The following PREPL variants were observed in gnomAD, a reference collection of about 807,000 sequenced individuals.
PREPL encodes the protein prolyl endopeptidase-like.
In PREPL, 77 loss-of-function variants were observed where a neutral mutation model predicts 70.6. The ratio of observed to expected loss-of-function variants is 1.09; its 90% CI spans 0.91 to 1.32. The LOEUF (loss-of-function observed/expected upper bound fraction) is 1.32, where lower values mean the gene tolerates loss of function less well. Among genes scored for constraint, PREPL ranks in the 40% most tolerant of loss-of-function variants. PREPL has a pLI of 0.00. For synonymous variants in PREPL, 315 were observed against 264.8 expected, an observed-to-expected ratio of 1.19 and a Z score of -1.84; for missense variants, 1,002 against 778.2, an observed-to-expected ratio of 1.29 and a Z score of -3.42.
chr2:44,330,499 T>C (rs1008196707), intron 8 of PREPL, among the ~76,000 whole-genome samples: 1 of 152,106 alleles, frequency 6.6e-6, no homozygotes, highest in African/African-American at 2.4e-5. Context: ...TGGGTAACAA[T>C]GATTATTTCT....
At position 44,338,433 on chromosome 2, in the gene PREPL, T is replaced by G; in HGVS notation, c.806A>C (p.His269Pro). 3.1e-6 allele frequency: 5 copies of G among 1,613,418 alleles called. No individual in the cohort carries two copies. Among genetic ancestry groups the G allele is most frequent in the Non-Finnish European group, 4.2e-6 (5 of 1,179,696 alleles). ...KVIDLDMFKD[H>P]CVLFLKHSNL... ...GCTGTGCTTCAGAAATAGAACACAG[T>G]GATCCTTAAACATGTCCAAGTCTAT... The change falls in exon 7 of 14, where the codon CAC becomes CCC. Residue 269 changes from histidine to proline, a missense_variant. Transcript: ENST00000409411.
At chr2:44,327,826 G>GGGAGA (rs1673672961) in intron 9 of PREPL, among the ~76,000 whole-genome samples, 1 of 151,944 alleles carries the variant, frequency 6.6e-6, no homozygotes, top group Non-Finnish European at 1.5e-5. Context: ...TTGCGCCACT[G>GGGAGA]CACTCTAGCC....
chr2:44,359,516 C>G, intron 1 of PREPL: 1 of 1,611,182 alleles, frequency 6.2e-7, no homozygotes, highest in South Asian at 1.1e-5. Context: ...GAAGCTCCGA[C>G]TTGGGATGTT....
At chr2:44,341,857 T>C (rs1350126085) in intron 5 of PREPL, among the ~76,000 whole-genome samples, 4 of 152,126 alleles carry the variant, frequency 2.6e-5, no homozygotes, top group African/African-American at 9.6e-5. Context: ...TTTTTTCACC[T>C]AGCACAATAA....
chr2:44,339,409 C>T (rs879127959), intron 5 of PREPL, 46 bp from the exon 6 acceptor site: 11 of 1,599,804 alleles, frequency 6.9e-6, no homozygotes, highest in African/African-American at 1.3e-5. Context: ...ATTTCAGATG[C>T]ATGCTACCTT....
chr2:44,344,731 T>C (rs2103997757), intron 2 of PREPL, 145 bp from the exon 3 acceptor site: 1 of 556,446 alleles, frequency 1.8e-6, no homozygotes, highest in Non-Finnish European at 3.0e-6. Flanking sequence ...AAATATAAAA[T>C]TGACCATTTT....
rs144930622 is a variant in PREPL at position 44,317,786 on chromosome 2, T to C, written c.*3570A>G. 6.5e-5 allele frequency: 10 copies of C among 154,648 alleles called. No individual in the cohort carries two copies. Among genetic ancestry groups the C allele is most frequent in the African/African-American group, 1.9e-4 (8 of 41,504 alleles). 9.6% of individuals were successfully genotyped at this position (154,648 alleles called of 1,614,324 possible). On this transcript the variant is annotated 3_prime_UTR_variant, in exon 14 of 14. Transcript: ENST00000409411. Reference sequence around the variant, plus strand: ...CTTAATAGAAAAAAACCCTAAACAATAGTATAACTACAAATAAAATAGGGC... The same window carrying C: ...CTTAATAGAAAAAAACCCTAAACAACAGTATAACTACAAATAAAATAGGGC...
At chr2:44,322,266 T>C (rs1421836295) in intron 12 of PREPL, among the ~76,000 whole-genome samples, 1 of 152,080 alleles carries the variant, frequency 6.6e-6, no homozygotes, top group Non-Finnish European at 1.5e-5. Flanking sequence ...TGATATGGCA[T>C]GTAGTTTCAA....
At position 44,326,693 on chromosome 2, in the gene PREPL, A is replaced by G. The variant is rs745739867; in HGVS notation, c.1479+19T>C. On this transcript the variant is annotated intron_variant, in intron 10 of 13. Coordinates refer to ENST00000409411, the MANE Select transcript of PREPL (RefSeq NM_001171613.2). ...ACACCTCCCCCATTCTATAAACAGT[A>G]GAGACAGAGCGTACTCACCTCCAAA... 12 of 1,602,326 alleles carry G rather than the reference A, an allele frequency of 7.5e-6. No individual in the cohort carries two copies. The Admixed American group carries it at 1.8e-4, about 24-fold the overall frequency.
At chr2:44,334,779 C>T (rs968197305) in intron 7 of PREPL, among the ~76,000 whole-genome samples, 1 of 152,072 alleles carries the variant, frequency 6.6e-6, no homozygotes, top group Non-Finnish European at 1.5e-5. Context: ...AGGGTTTTGC[C>T]ATGTTGGCCA....
At chr2:44,353,688 G>C (rs1676699377) in intron 1 of PREPL, among the ~76,000 whole-genome samples, 2 of 151,898 alleles carry the variant, frequency 1.3e-5, no homozygotes, top group African/African-American at 4.8e-5. Context: ...TGAGATGAAA[G>C]TGAGAGTCAA....
Position 44,321,162 on chromosome 2 carries a change from G to T in PREPL, c.*194C>A. 1.8e-6 allele frequency: 1 copy of T among 569,972 alleles called. No homozygotes were observed. Among genetic ancestry groups the T allele is most frequent in the Non-Finnish European group, 3.2e-6 (1 of 315,850 alleles). 35.3% of individuals were successfully genotyped at this position (569,972 alleles called of 1,614,324 possible). On this transcript the variant is annotated 3_prime_UTR_variant, in exon 14 of 14. Coordinates refer to ENST00000409411, the MANE Select transcript of PREPL (RefSeq NM_001171613.2). The stretch of plus-strand genomic sequence containing the variant: ...TGAAAATTACTTTCCTAGGTTAATG[G>T]GCATGTGCATCAATGGAGAGAATAG...
chr2:44,342,345 A>T (rs867749535), intron 5 of PREPL, 72 bp downstream of exon 5: 1 of 1,369,230 alleles, frequency 7.3e-7, no homozygotes, highest in African/African-American at 1.4e-5. Flanking sequence ...GTTTTAAGTC[A>T]ACCAAAGTCA....
At chr2:44,340,105 G>T (rs1043284258) in intron 5 of PREPL, among the ~76,000 whole-genome samples, 5 of 151,876 alleles carry the variant, frequency 3.3e-5, no homozygotes, top group African/African-American at 9.7e-5. Flanking sequence ...TACATGAGTT[G>T]AAAGTCTTTG....
Position 44,359,726 on chromosome 2 carries a change from T to C in PREPL, c.-49+1654A>G, listed in dbSNP as rs752975356. On this transcript the variant is annotated intron_variant, in intron 1 of 13. Transcript: ENST00000409411. ...GGTCTTCTGCTGCATGATATCAAAG[T>C]CCCTGGTTTATGCTCCTTTTGGGGC... 1.9e-6 allele frequency: 3 copies of C among 1,575,126 alleles called. No homozygotes were observed. In the East Asian group the frequency reaches 6.7e-5, roughly 35 times the overall value.
At chr2:44,345,867 C>A (rs773328640) in intron 2 of PREPL, among the ~76,000 whole-genome samples, 1 of 152,086 alleles carries the variant, frequency 6.6e-6, no homozygotes, top group Non-Finnish European at 1.5e-5. Context: ...CAGTGCTGGG[C>A]ATGGTGGCTC....
intron 8 of PREPL, among the ~76,000 whole-genome samples, chr2:44,330,828 G>C (rs73924945): frequency 6.6e-6 from 1 of 152,078 alleles, no homozygotes; most frequent in Non-Finnish European, 1.5e-5. Context: ...TCTGTATATT[G>C]AGTATACCTG....
intron 6 of PREPL, 29 bp from the exon 7 acceptor site, chr2:44,338,565 AG>A: frequency 6.4e-7 from 1 of 1,554,992 alleles, no homozygotes; most frequent in Non-Finnish European, 8.7e-7. Context: ...GAAGACATAT[AG>A]GTAAGAAAAC....
rs1346011674 is a variant in PREPL at position 44,320,859 on chromosome 2, T to C, written c.*497A>G. The C allele has an allele frequency of 3.6e-6, 2 of 562,660 alleles. No individual in the cohort carries two copies. Among genetic ancestry groups the C allele is most frequent in the South Asian group, 2.0e-5 (1 of 49,086 alleles). The allele number at this position is 562,660 out of a possible 1,614,324, so 34.9% of individuals were successfully genotyped here. A position where few individuals can be genotyped will look rare whatever the true frequency, so the allele number is the denominator to read the frequency against. ...ATAGGAGCTTATAACTTTATTCAGA[T>C]AGCATCAATCAGGGATGACCAGAAC... On this transcript the variant is annotated 3_prime_UTR_variant, in exon 14 of 14. Coordinates refer to ENST00000409411, the MANE Select transcript of PREPL (RefSeq NM_001171613.2).
Sources: gnomAD v4.1 joint callset for allele counts (sites outside exome capture counted in the v4.1 genomes callset) on GRCh38, gnomAD v4.1.1 for gene constraint, MANE v1.5 for transcripts, NCBI Gene and HGNC (gene_info 2026-07-23, HGNC 2026-07-21) for gene names.